FKRP: variants seen among roughly 807,000 people sequenced by gnomAD.
FKRP encodes ribitol 5-phosphate transferase FKRP.
A neutral mutation model predicts 30.6 loss-of-function variants in FKRP; 25 were observed. The ratio of observed to expected loss-of-function variants is 0.82; its 90% CI spans 0.60 to 1.14. FKRP has a LOEUF of 1.14. Ranked by LOEUF, FKRP falls within the 50% of genes most tolerant of loss-of-function variation. The pLI, the probability that FKRP is intolerant of heterozygous loss-of-function variation, is 0.00. For missense variants in FKRP, 771 were observed against 727.8 expected, an observed-to-expected ratio of 1.06 and a Z score of -0.68; for synonymous variants, 358 against 342.5, an observed-to-expected ratio of 1.05 and a Z score of -0.50.
rs2054963132 is a variant in FKRP at position 46,758,054 on chromosome 19, G to GT, written c.*1116_*1117insT. On this transcript the variant is annotated 3_prime_UTR_variant, in exon 4 of 4. Coordinates refer to ENST00000318584, the MANE Select transcript of FKRP (RefSeq NM_024301.5). ...GCTCACACTCACTGAGCACCTACTGGGTACCAGGCACCATTCTCAGTGTTT... is the reference window on the plus strand; with the variant it reads ...GCTCACACTCACTGAGCACCTACTGGTGTACCAGGCACCATTCTCAGTGTTT... 3 of 167,152 alleles carry GT rather than the reference G, an allele frequency of 1.8e-5. No homozygotes were observed. Among genetic ancestry groups the GT allele is most frequent in the Admixed American group, 6.5e-5 (1 of 15,280 alleles). 10.4% of individuals were successfully genotyped at this position (167,152 alleles called of 1,614,324 possible).
chr19:46,752,729 G>A (rs2054817860), intron 3 of FKRP, among the ~76,000 whole-genome samples: 1 of 152,154 alleles, frequency 6.6e-6, no homozygotes, highest in African/African-American at 2.4e-5. Context: ...GCCAGGCACA[G>A]TATTGCATGC....
intron 3 of FKRP, among the ~76,000 whole-genome samples, chr19:46,750,566 CCCAG>C (rs2054771968): frequency 6.6e-6 from 1 of 152,216 alleles, no homozygotes. Context: ...CGCTCTGTCG[CCCAG>C]GCTGGAGTGC....
At position 46,756,726 on chromosome 19, in the gene FKRP, G is replaced by A; in HGVS notation, c.1276G>A (p.Val426Ile). The A allele has an allele frequency of 6.2e-7, 1 of 1,611,200 alleles. No individual in the cohort carries two copies. Among genetic ancestry groups the A allele is most frequent in the Non-Finnish European group, 8.5e-7 (1 of 1,178,930 alleles). ...DLWPFYPRNG[V>I]MTKDTWLDHR... ...GTGGCCCTTCTACCCCCGCAATGGC[G>A]TCATGACCAAGGACACGTGGCTGGA... is the stretch of plus-strand genomic sequence containing the variant. Residue 426 changes from valine (V) to isoleucine (I), a missense_variant, in exon 4 of 4, where the codon GTC (valine) becomes ATC (isoleucine). By Grantham distance (29) the Val-to-Ile change is conservative. Transcript: ENST00000318584. This position sits in a 1 kb window ranked among gnomAD's most constrained non-coding sequence, Gnocchi z 6.6.
intron 1 of FKRP, 44 bp downstream of exon 1, chr19:46,746,134 CG>C: frequency 6.7e-7 from 1 of 1,494,258 alleles, no homozygotes; most frequent in African/African-American, 1.5e-5. Flanking sequence ...TCGGGGGTCC[CG>C]GGACAGCGCT....
rs2054899043 is a variant in FKRP at position 46,755,775 on chromosome 19, G to A, written c.325G>A (p.Asp109Asn). ...TCTGGCGCTGCTCCAGCCCGCCCTG[G>A]ACCGGCCAGCCGCAGCCTCGCGCCC... ...VRLALLQPAL[D>N]RPAAASRPET... Residue 109 changes from aspartate (D) to asparagine (N), a missense_variant, in exon 4 of 4, where the codon GAC becomes AAC. Asp to Asn is a conservative substitution (Grantham distance 23, BLOSUM62 1). Coordinates refer to ENST00000318584, the MANE Select transcript of FKRP (RefSeq NM_024301.5). The A allele has an allele frequency of 6.5e-7, 1 of 1,532,262 alleles. No homozygotes were observed. The highest frequency in any genetic ancestry group is 8.7e-7 in the Non-Finnish European group (1 of 1,143,656). The allele number at this position is 1,532,262 out of a possible 1,614,324, so 94.9% of individuals were successfully genotyped here.
Position 46,756,757 on chromosome 19 carries a change from GGCA to G in FKRP, c.1309_1311del (p.Gln437del). The G allele has an allele frequency of 6.2e-7, 1 of 1,605,654 alleles. No homozygotes were observed. On this transcript the variant is annotated inframe_deletion, in exon 4 of 4. Coordinates refer to ENST00000318584, the MANE Select transcript of FKRP (RefSeq NM_024301.5). The surrounding 1 kb of genome is among the most constrained non-coding windows in gnomAD (Gnocchi z 6.6). ...ACCAAGGACACGTGGCTGGACCACC[GGCA>G]GGATGTGGAGTTTCCCGAGCACTTC...
upstream of FKRP, among the ~76,000 whole-genome samples, chr19:46,744,974 C>T (rs539434082): frequency 3.9e-5 from 6 of 152,212 alleles, no homozygotes; most frequent in Non-Finnish European, 7.4e-5. Flanking sequence ...CTGTCCCAAG[C>T]TACCCCAAAA....
Position 46,756,504 on chromosome 19 carries a change from C to T in FKRP, c.1054C>T (p.Arg352Cys), listed in dbSNP as rs751676482. 2 of 1,575,238 alleles carry T rather than the reference C, an allele frequency of 1.3e-6. No individual in the cohort carries two copies. The highest frequency in any genetic ancestry group is 1.3e-5 in the African/African-American group (1 of 74,528). Residue 352 changes from arginine to cysteine, a missense_variant, in exon 4 of 4, where the codon CGC becomes TGC. Physicochemically the swap from Arg to Cys is radical, Grantham distance 180. Coordinates refer to ENST00000318584, the MANE Select transcript of FKRP (RefSeq NM_024301.5). This position sits in a 1 kb window ranked among gnomAD's most constrained non-coding sequence, Gnocchi z 6.6. ...LEGGSLLGAA[R>C]HGDIIPWDYD... ...GGGCGGCTCACTGCTGGGGGCCGCCCGCCACGGGGACATCATCCCATGGGA... is the reference window on the plus strand; with the variant it reads ...GGGCGGCTCACTGCTGGGGGCCGCCTGCCACGGGGACATCATCCCATGGGA...
At chr19:46,754,371 A>ATTTT (rs1213639238) in intron 3 of FKRP, 3 of 131,972 alleles carry the variant, frequency 2.3e-5, no homozygotes, top group African/African-American at 5.9e-5. Context: ...TTTTTTTTTA[A>ATTTT]TTTTTATTTA....
chr19:46,756,284 C>A lies in FKRP; in HGVS notation c.834C>A (p.Ser278Arg). 1 of 1,524,284 alleles carries A rather than the reference C, an allele frequency of 6.6e-7. No individual in the cohort carries two copies. 94.4% of individuals were successfully genotyped at this position (1,524,284 alleles called of 1,614,324 possible). Residue 278 changes from serine (S) to arginine (R), a missense_variant, in exon 4 of 4, where the codon AGC becomes AGA. Physicochemically the swap from Ser to Arg is moderately radical, Grantham distance 110. Coordinates refer to ENST00000318584, the MANE Select transcript of FKRP (RefSeq NM_024301.5). The surrounding 1 kb of genome is among the most constrained non-coding windows in gnomAD (Gnocchi z 6.6). ...GCGCGCTGGGCATCCGCCTAGTGAG[C>A]TGGGAAGGCGGGCGGCTGGAGTGGT... ...LLRALGIRLVSWEGGRLEWFG... is the reference protein window; with the variant it reads ...LLRALGIRLVRWEGGRLEWFG...
intron 1 of FKRP, chr19:46,746,480 C>CGA: frequency 1.1e-6 from 1 of 936,924 alleles, no homozygotes; most frequent in Non-Finnish European, 1.2e-6. Context: ...CGCGCCTGCG[C>CGA]GGCCGCGCCA....
intron 3 of FKRP, among the ~76,000 whole-genome samples, chr19:46,755,145 C>A (rs1461866044): frequency 1.3e-5 from 2 of 151,084 alleles, no homozygotes. Context: ...ACCCCTGGCA[C>A]CCGTCATTCT....
chr19:46,751,503 C>T (rs535134858), intron 3 of FKRP, among the ~76,000 whole-genome samples: 152 of 151,960 alleles, frequency 1.0e-3, no homozygotes, highest in African/African-American at 3.5e-3. Context: ...CTCAGCCTCC[C>T]AAGTAGCTGG....
At position 46,757,096 on chromosome 19, in the gene FKRP, CAGG is replaced by C. The variant is rs759403448; in HGVS notation, c.*164_*166del. The C allele has an allele frequency of 1.4e-5, 14 of 993,742 alleles. No homozygotes were observed. Among genetic ancestry groups the C allele is most frequent in the Non-Finnish European group, 1.8e-5 (12 of 653,012 alleles). The allele number at this position is 993,742 out of a possible 1,614,324, so 61.6% of individuals were successfully genotyped here. On this transcript the variant is annotated 3_prime_UTR_variant, in exon 4 of 4. Transcript: ENST00000318584. ...GAGCATGAGAGAAGGCTGGCATTGG[CAGG>C]AGGAGAGCACCAGGACGAGGATGGG...
chr19:46,757,558 G>A lies in FKRP; in HGVS notation c.*620G>A, dbSNP rs1428872044. On this transcript the variant is annotated 3_prime_UTR_variant, in exon 4 of 4. Transcript: ENST00000318584. ...GTACGCCCAGGGCCTGTGTTCCATA[G>A]CCATCTACTCTCTTGAGCCTTTGGA... The A allele has an allele frequency of 5.7e-6, 1 of 175,294 alleles. No homozygotes were observed. The highest frequency in any genetic ancestry group is 1.4e-5 in the Non-Finnish European group (1 of 72,576). The allele number at this position is 175,294 out of a possible 1,614,324, so 10.9% of individuals were successfully genotyped here.
At chr19:46,755,267 G>A in intron 3 of FKRP, 145 bp from the exon 4 acceptor site, 1 of 610,650 alleles carries the variant, frequency 1.6e-6, no homozygotes, top group East Asian at 3.0e-5. Context: ...AGTGCTTCCT[G>A]GAGAAGGGGA....
In FKRP at chr19:46,756,105, G is replaced by A. The variant is rs878855080; in HGVS notation, c.655G>A (p.Gly219Ser). The change falls in exon 4 of 4, where the codon GGC becomes AGC. Residue 219 changes from glycine (G) to serine (S), a missense_variant. Transcript: ENST00000318584. This position sits in a 1 kb window ranked among gnomAD's most constrained non-coding sequence, Gnocchi z 6.6. ...CTCGGCGCCCCTGGCCCGGCCGGTG[G>A]GCACCAGCCTCTTTCTGCAGACCGC... The part of the protein sequence containing the change: ...NLSAPLARPV[G>S]TSLFLQTALR... 1 of 1,528,718 alleles carries A rather than the reference G, an allele frequency of 6.5e-7. No individual in the cohort carries two copies. Among genetic ancestry groups the A allele is most frequent in the East Asian group, 2.5e-5 (1 of 39,440 alleles). 94.7% of individuals were successfully genotyped at this position (1,528,718 alleles called of 1,614,324 possible).
Position 46,755,900 on chromosome 19 carries a change from A to T in FKRP, c.450A>T (p.Ala150=), listed in dbSNP as rs1368788855. Reference sequence around the variant, plus strand: ...AGCGCATGGTGGAGGCGCTCCGCGCAGGAAGCGCACGTCTGGTGGCCGCCC... The same window carrying T: ...AGCGCATGGTGGAGGCGCTCCGCGCTGGAAGCGCACGTCTGGTGGCCGCCC... ...LLERMVEALR[A]GSARLVAAPV... is the part of the protein sequence containing the mutation. The change falls in exon 4 of 4, where the codon GCA becomes GCT. Residue 150 remains alanine, a synonymous_variant. Transcript: ENST00000318584. 6.6e-7 allele frequency: 1 copy of T among 1,517,944 alleles called. No individual in the cohort carries two copies. The highest frequency in any genetic ancestry group is 1.4e-5 in the African/African-American group (1 of 72,152). 94.0% of individuals were successfully genotyped at this position (1,517,944 alleles called of 1,614,324 possible).
intron 3 of FKRP, among the ~76,000 whole-genome samples, chr19:46,750,270 G>A (rs1028550160): frequency 3.9e-5 from 6 of 152,060 alleles, no homozygotes; most frequent in African/African-American, 7.2e-5. Context: ...TCCTTTCCCC[G>A]CCTCAGGTTC....
Sources: gnomAD v4.1 joint callset for allele counts (sites outside exome capture counted in the v4.1 genomes callset) on GRCh38, gnomAD v4.1.1 for gene constraint, Gnocchi (gnomAD v3.1) non-coding constraint, MANE v1.5 for transcripts, NCBI Gene and HGNC (gene_info 2026-07-23, HGNC 2026-07-21) for gene names.